The following ST6GALNAC3 variants were observed in gnomAD, a reference collection of about 807,000 sequenced individuals.
ST6GALNAC3 encodes ST6 N-acetylgalactosaminide alpha-2,6-sialyltransferase 3.
A neutral mutation model predicts 32.7 loss-of-function variants in ST6GALNAC3; 25 were observed. The ratio of observed to expected loss-of-function variants is 0.76; its 90% confidence interval spans 0.56 to 1.07. ST6GALNAC3 has a LOEUF of 1.07. ST6GALNAC3 is among the 50% of genes least tolerant of loss of function. The probability of loss-of-function intolerance (pLI) is 0.00; values close to 1 mark genes in which losing one functional copy is unlikely to be tolerated. For missense variants in ST6GALNAC3, 355 were observed against 382.4 expected (o/e 0.93, Z 0.60); for synonymous variants, 129 against 133.1 (o/e 0.97, Z 0.21).
At chr1:76,215,351 T>C (rs1485709133) in intron 1 of ST6GALNAC3, among the ~76,000 whole-genome samples, 1 of 152,196 alleles carries the variant, frequency 6.6e-6, no homozygotes, top group Non-Finnish European at 1.5e-5. Flanking sequence ...GCTGCCAGAA[T>C]TTAGATTTTA....
chr1:76,088,946 A>C (rs924478326), intron 1 of ST6GALNAC3, among the ~76,000 whole-genome samples: 4 of 152,210 alleles, frequency 2.6e-5, no homozygotes, highest in African/African-American at 9.6e-5. Flanking sequence ...TGGAAGAGAT[A>C]ATACAGTTGG....
At chr1:76,586,588 A>G (rs1646965718) in intron 3 of ST6GALNAC3, among the ~76,000 whole-genome samples, 1 of 152,198 alleles carries the variant, frequency 6.6e-6, no homozygotes, top group Admixed American at 6.5e-5. Context: ...TTAGCCCATT[A>G]TTTTAAACTC....
At chr1:76,182,810 A>G (rs186859367) in intron 1 of ST6GALNAC3, among the ~76,000 whole-genome samples, 4 of 151,866 alleles carry the variant, frequency 2.6e-5, no homozygotes, top group Admixed American at 2.6e-4. Flanking sequence ...ATAGATTTTC[A>G]TTTTAATGGG....
intron 2 of ST6GALNAC3, among the ~76,000 whole-genome samples, chr1:76,322,663 A>G (rs932841766): frequency 1.3e-5 from 2 of 152,214 alleles, no homozygotes; most frequent in Non-Finnish European, 2.9e-5. Context: ...ACAAAGCCTT[A>G]TTCACAAAAG....
intron 1 of ST6GALNAC3, among the ~76,000 whole-genome samples, chr1:76,261,434 CACA>C (rs544001359): frequency 1.6e-3 from 238 of 152,304 alleles, no homozygotes; most frequent in Middle Eastern, 3.4e-3. Context: ...GTGATGCTCA[CACA>C]ACAAGGAGAC....
At chr1:76,129,494 A>T (rs1199968732) in intron 1 of ST6GALNAC3, among the ~76,000 whole-genome samples, 2 of 152,146 alleles carry the variant, frequency 1.3e-5, no homozygotes, top group Non-Finnish European at 2.9e-5. Context: ...AAATGGCCCC[A>T]GTGAGGTGAG....
intron 1 of ST6GALNAC3, among the ~76,000 whole-genome samples, chr1:76,273,471 G>A (rs747355099): frequency 9.9e-5 from 15 of 152,170 alleles, no homozygotes; most frequent in Middle Eastern, 3.4e-3. Context: ...AGAGCTGAGA[G>A]GAAGAGCTCA....
At chr1:76,407,998 T>G (rs1203306977) in intron 2 of ST6GALNAC3, among the ~76,000 whole-genome samples, 2 of 152,120 alleles carry the variant, frequency 1.3e-5, no homozygotes, top group East Asian at 3.9e-4. Flanking sequence ...GATAACTAGA[T>G]AAGAGCAGAT....
chr1:76,521,958 A>G (rs1570081244), intron 3 of ST6GALNAC3, among the ~76,000 whole-genome samples: 1 of 151,914 alleles, frequency 6.6e-6, no homozygotes, highest in Non-Finnish European at 1.5e-5. Flanking sequence ...AGTCCCAGCT[A>G]CTCGGGAGGC....
In ST6GALNAC3 at chr1:76,630,515, C is replaced by T; in HGVS notation, c.*1709C>T. Reference sequence around the variant, plus strand: ...GAGTAGCTGAGAATTCAAAAACATCCTTGCAGAATGATTCAAAAGACAAAA... The same window carrying T: ...GAGTAGCTGAGAATTCAAAAACATCTTTGCAGAATGATTCAAAAGACAAAA... On this transcript the variant is annotated 3_prime_UTR_variant, in exon 5 of 5. Coordinates refer to ENST00000328299, the MANE Select transcript of ST6GALNAC3 (RefSeq NM_152996.4). 1 of 985,210 alleles carries T rather than the reference C, an allele frequency of 1.0e-6. No individual in the cohort carries two copies. The highest frequency in any genetic ancestry group is 1.2e-6 in the Non-Finnish European group (1 of 829,840). 61.0% of individuals were successfully genotyped at this position (985,210 alleles called of 1,614,324 possible). A position where few individuals can be genotyped will look rare whatever the true frequency, so the allele number is the denominator to read the frequency against.
In ST6GALNAC3 at chr1:76,423,277, C is replaced by G. The variant is rs1011342324; in HGVS notation, c.623+10860C>G. On this transcript the variant is annotated intron_variant, in intron 3 of 4. Transcript: ENST00000328299. Reference sequence around the variant, plus strand: ...GGAAGTATATCTACAAACGGAAGATCACAAACAGCATTCAGTTCTCTGACT... The same window carrying G: ...GGAAGTATATCTACAAACGGAAGATGACAAACAGCATTCAGTTCTCTGACT... Among the ~76,000 whole-genome samples the G allele has an allele frequency of 5.3e-5, 8 of 151,894 alleles. No homozygotes were observed. In the East Asian group the frequency reaches 5.8e-4, roughly 11 times the overall value.
intron 1 of ST6GALNAC3, among the ~76,000 whole-genome samples, chr1:76,187,865 G>T (rs1286567962): frequency 6.6e-6 from 1 of 152,126 alleles, no homozygotes; most frequent in East Asian, 1.9e-4. Flanking sequence ...TCCGTCCCAG[G>T]ATTGCCTTGA....
chr1:76,108,571 T>G (rs1647700644), intron 1 of ST6GALNAC3, among the ~76,000 whole-genome samples: 2 of 152,188 alleles, frequency 1.3e-5, no homozygotes, highest in South Asian at 4.1e-4. Flanking sequence ...ACTGAAGCTT[T>G]AAGAGATGGT....
chr1:76,557,842 A>G (rs1321599700), intron 3 of ST6GALNAC3, among the ~76,000 whole-genome samples: 4 of 152,160 alleles, frequency 2.6e-5, no homozygotes, highest in Non-Finnish European at 5.9e-5. Context: ...CCATTTGTAG[A>G]ATGGGAATGT....
intron 3 of ST6GALNAC3, among the ~76,000 whole-genome samples, chr1:76,441,463 A>T (rs1227807999): frequency 6.6e-6 from 1 of 152,090 alleles, no homozygotes; most frequent in Non-Finnish European, 1.5e-5. Flanking sequence ...TCCAACCCAG[A>T]TCTGATTTTT....
chr1:76,502,773 C>T (rs1179879427), intron 3 of ST6GALNAC3, among the ~76,000 whole-genome samples: 3 of 152,118 alleles, frequency 2.0e-5, no homozygotes, highest in East Asian at 1.9e-4. Context: ...CAGAAGAAAC[C>T]GGGTAGTAGA....
intron 1 of ST6GALNAC3, among the ~76,000 whole-genome samples, chr1:76,141,809 T>G (rs1291721322): frequency 6.6e-6 from 1 of 152,198 alleles, no homozygotes; most frequent in African/African-American, 2.4e-5. Flanking sequence ...ACAACCATTA[T>G]GTAAGGATAA....
At chr1:76,128,262 A>G (rs534279051) in intron 1 of ST6GALNAC3, among the ~76,000 whole-genome samples, 1 of 152,332 alleles carries the variant, frequency 6.6e-6, no homozygotes, top group African/African-American at 2.4e-5. Context: ...CCAGTCTCCC[A>G]TGGTTAGCAG....
At chr1:76,139,423 C>T (rs1650174347) in intron 1 of ST6GALNAC3, among the ~76,000 whole-genome samples, 1 of 152,144 alleles carries the variant, frequency 6.6e-6, no homozygotes. Flanking sequence ...CACACACACA[C>T]ACAGTTGTAC....
Sources: allele counts gnomAD v4.1 joint callset (sites outside exome capture counted in the v4.1 genomes callset), GRCh38; gene constraint gnomAD v4.1.1; transcripts MANE v1.5; gene names NCBI Gene and HGNC (gene_info 2026-07-23, HGNC 2026-07-21).